SLC39A10: variants seen among roughly 807,000 people sequenced by gnomAD.
SLC39A10 encodes the protein zinc transporter ZIP10.
SLC39A10 carries 13 observed loss-of-function variants against 65.1 expected under a neutral mutation model. The observed-to-expected ratio is 0.20, with a 90% CI of 0.13 to 0.32. The LOEUF (loss-of-function observed/expected upper bound fraction) is 0.32, where lower values mean the gene tolerates loss of function less well. Among genes scored for constraint, SLC39A10 ranks in the 10% least tolerant of loss-of-function variants. SLC39A10 has a pLI of 1.00. For missense variants in SLC39A10, 831 were observed against 1,018.4 expected (o/e 0.82, Z 2.50); for synonymous variants, 321 against 342.2 (o/e 0.94, Z 0.68).
intron 2 of SLC39A10, 97 bp downstream of exon 2, chr2:195,681,147 AT>A: frequency 8.7e-7 from 1 of 1,154,410 alleles, no homozygotes; most frequent in South Asian, 1.6e-5. Context: ...TATTAATCAT[AT>A]TTAAACTTAT....
chr2:195,687,463 A>G (rs1182058871), intron 3 of SLC39A10, among the ~76,000 whole-genome samples: 1 of 152,220 alleles, frequency 6.6e-6, no homozygotes, highest in Non-Finnish European at 1.5e-5. Context: ...ATGCTTGACT[A>G]TAGCAATACT....
chr2:195,662,956 C>G (rs1559021464), intron 1 of SLC39A10, among the ~76,000 whole-genome samples: 1 of 152,180 alleles, frequency 6.6e-6, no homozygotes, highest in South Asian at 2.1e-4. Flanking sequence ...CTTTTTGTCT[C>G]TTTCCGCTTT....
chr2:195,626,015 C>T (rs540200551), intron 2 of SLC39A10, among the ~76,000 whole-genome samples: 17 of 152,314 alleles, frequency 1.1e-4, no homozygotes, highest in Admixed American at 4.6e-4. Flanking sequence ...AACTCCTGGG[C>T]TTAAATGATC....
intron 9 of SLC39A10, among the ~76,000 whole-genome samples, chr2:195,734,062 C>A (rs573249260): frequency 6.9e-6 from 1 of 144,494 alleles, no homozygotes; most frequent in South Asian, 2.1e-4. Context: ...TCTTTGCTGT[C>A]ATGAGCAGTG....
chr2:195,715,217 A>G (rs1354205295), intron 6 of SLC39A10, among the ~76,000 whole-genome samples: 1 of 152,178 alleles, frequency 6.6e-6, no homozygotes, highest in Non-Finnish European at 1.5e-5. Context: ...TATAATCATA[A>G]AGAACTCTCT....
intron 2 of SLC39A10, among the ~76,000 whole-genome samples, chr2:195,643,425 T>G (rs956754194): frequency 6.6e-6 from 1 of 152,250 alleles, no homozygotes; most frequent in Non-Finnish European, 1.5e-5. Context: ...TCATTTCTAT[T>G]CTGTAGGTTG....
chr2:195,617,709 C>CTTTTATTTTATTTTATTTTA (rs1452108690), intron 2 of SLC39A10, among the ~76,000 whole-genome samples: 67 of 144,030 alleles, frequency 4.7e-4, no homozygotes, highest in East Asian at 1.2e-3. Flanking sequence ...TGTTTCTTTT[C>CTTTTATTTTATTTTATTTTA]TTTTCTTTTC....
At chr2:195,731,588 G>C (rs922478260) in intron 9 of SLC39A10, among the ~76,000 whole-genome samples, 3 of 152,118 alleles carry the variant, frequency 2.0e-5, no homozygotes, top group African/African-American at 7.2e-5. Context: ...ACACTAGAAA[G>C]TTACAGATAC....
chr2:195,637,652 A>C (rs1688720325), intron 2 of SLC39A10, among the ~76,000 whole-genome samples: 1 of 152,252 alleles, frequency 6.6e-6, no homozygotes, highest in Non-Finnish European at 1.5e-5. Flanking sequence ...TATAATGCTC[A>C]TTCTTAACCA....
At chr2:195,622,972 CAAA>C (rs11440347) in intron 2 of SLC39A10, among the ~76,000 whole-genome samples, 2 of 96,872 alleles carry the variant, frequency 2.1e-5, no homozygotes, top group African/African-American at 4.2e-5. Flanking sequence ...ACTCCTGTCT[CAAA>C]AAAAAAAAAA....
At chr2:195,698,151 A>G (rs1898772) in intron 3 of SLC39A10, among the ~76,000 whole-genome samples, 79,627 of 151,744 alleles carry the variant, frequency 0.52, 21,471 homozygotes, top group Non-Finnish European at 0.6. Context: ...TTATTTTAAG[A>G]AAAGTGAGAG....
chr2:195,729,579 G>A (rs979893675), intron 9 of SLC39A10, among the ~76,000 whole-genome samples: 1 of 152,100 alleles, frequency 6.6e-6, no homozygotes, highest in African/African-American at 2.4e-5. Context: ...TGGTGCTCCT[G>A]CAAACTGTTC....
At chr2:195,636,614 G>C (rs867386872) in intron 2 of SLC39A10, among the ~76,000 whole-genome samples, 8 of 152,242 alleles carry the variant, frequency 5.3e-5, no homozygotes, top group Middle Eastern at 3.4e-3. Flanking sequence ...TTAGTTGGGC[G>C]TGGTGGCGGG....
At chr2:195,650,678 T>C (rs938473860) in intron 2 of SLC39A10, among the ~76,000 whole-genome samples, 5 of 152,198 alleles carry the variant, frequency 3.3e-5, no homozygotes, top group African/African-American at 1.2e-4. Context: ...GCTTAAATTT[T>C]TGTGTCAATT....
Position 195,735,577 on chromosome 2 carries a change from G to A in SLC39A10, c.*536G>A, listed in dbSNP as rs1278608162. On this transcript the variant is annotated 3_prime_UTR_variant, in exon 10 of 10. Transcript: ENST00000359634. ...CTAGAGGAAAGCTCAGGCTGCATTAGAGTATGAATTTAGCATTGGGAAAAG... is the reference window on the plus strand; with the variant it reads ...CTAGAGGAAAGCTCAGGCTGCATTAAAGTATGAATTTAGCATTGGGAAAAG... The A allele has an allele frequency of 6.6e-6, 1 of 152,588 alleles. No homozygotes were observed. The highest frequency in any genetic ancestry group is 1.5e-5 in the Non-Finnish European group (1 of 68,034). The allele number at this position is 152,588 out of a possible 1,614,324, so 9.5% of individuals were successfully genotyped here. A position where few individuals can be genotyped will look rare whatever the true frequency, so the allele number is the denominator to read the frequency against.
In SLC39A10 at chr2:195,694,756, G is replaced by C. The variant is rs139108630; in HGVS notation, c.1216+10850G>C. Among the ~76,000 whole-genome samples, 34 of 152,318 alleles carry C rather than the reference G, an allele frequency of 2.2e-4. 1 individual carries two copies. The highest frequency in any genetic ancestry group is 3.8e-4 in the Non-Finnish European group (26 of 68,018). On this transcript the variant is annotated intron_variant, in intron 3 of 9. Transcript: ENST00000359634. ...GAGCCAGGATGTGGCGCTTTCAAGA[G>C]TGCATCAGCTGCAGTTGTATAGGGA...
chr2:195,717,146 C>A, intron 7 of SLC39A10, 141 bp downstream of exon 7: 2 of 1,143,056 alleles, frequency 1.7e-6, no homozygotes, highest in Non-Finnish European at 2.4e-6. Flanking sequence ...GTTTTGTGTT[C>A]AGTTGTTACA....
At chr2:195,713,639 C>G in intron 6 of SLC39A10, 86 bp downstream of exon 6, 3 of 1,369,846 alleles carry the variant, frequency 2.2e-6, no homozygotes, top group Non-Finnish European at 2.9e-6. Flanking sequence ...TACATTCATT[C>G]AATCTGAAAT....
At chr2:195,703,208 A>G (rs2105805862) in intron 3 of SLC39A10, among the ~76,000 whole-genome samples, 1 of 152,362 alleles carries the variant, frequency 6.6e-6, no homozygotes, top group Non-Finnish European at 1.5e-5. Flanking sequence ...TTCTAGCAGT[A>G]TAATATGACA....
Sources: gnomAD v4.1 joint callset for allele counts (sites outside exome capture counted in the v4.1 genomes callset) on GRCh38, gnomAD v4.1.1 for gene constraint, MANE v1.5 for transcripts, NCBI Gene and HGNC (gene_info 2026-07-23, HGNC 2026-07-21) for gene names.